Variants in ZCCHC2 observed in about 807,000 individuals in gnomAD.
ZCCHC2 encodes the protein zinc finger CCHC-type containing 2, also known as zinc finger CCHC domain-containing protein 2.
Under a neutral mutation model 103.6 loss-of-function variants are expected in ZCCHC2, and 39 were observed. The observed-to-expected ratio is 0.38, with a 90% CI of 0.29 to 0.49. The LOEUF (loss-of-function observed/expected upper bound fraction) is 0.49, where lower values mean the gene tolerates loss of function less well. Ranked by LOEUF, ZCCHC2 falls within the 20% of genes least tolerant of loss-of-function variation. The pLI, the probability that ZCCHC2 is intolerant of heterozygous loss-of-function variation, is 0.96. For synonymous variants in ZCCHC2, 687 were observed against 608.9 expected, an observed-to-expected ratio of 1.13 and a Z score of -1.89; for missense variants, 1,483 against 1,491.0, an observed-to-expected ratio of 0.99 and a Z score of 0.09.
At chr18:62,585,624 A>G (rs898205986) in exon 15 of ZCCHC2, 2 of 152,242 alleles carry the variant, frequency 1.3e-5, no homozygotes, top group African/African-American at 4.8e-5. Flanking sequence ...GAAGGCACCC[A>G]CCACAGTCCA....
intron 3 of ZCCHC2, among the ~76,000 whole-genome samples, chr18:62,543,458 C>T (rs1171221747): frequency 1.3e-5 from 2 of 152,160 alleles, no homozygotes; most frequent in Admixed American, 1.3e-4. Flanking sequence ...GGAGAAAGAT[C>T]CTCAGTTTGC....
chr18:62,527,026 C>CGCCCCG (rs1367473537), intron 1 of ZCCHC2: 1 of 36,520 alleles, frequency 2.7e-5, no homozygotes, highest in African/African-American at 1.1e-4. Context: ...CCCCCCCCCC[C>CGCCCCG]CCCGAAAGTA....
intron 11 of ZCCHC2, among the ~76,000 whole-genome samples, chr18:62,567,021 C>A (rs912449842): frequency 6.6e-6 from 1 of 152,162 alleles, no homozygotes; most frequent in African/African-American, 2.4e-5. Flanking sequence ...ACAACCTCAG[C>A]GTATTTTTCA....
intron 5 of ZCCHC2, chr18:62,552,040 C>T (rs1376020921): frequency 6.6e-6 from 1 of 152,022 alleles, no homozygotes; most frequent in Non-Finnish European, 1.5e-5. Flanking sequence ...GTGTTTGCTC[C>T]CCAGTGGAGA....
chr18:62,569,950 T>A (rs906310384), intron 11 of ZCCHC2, among the ~76,000 whole-genome samples, 153 bp from the exon 12 acceptor site: 1 of 152,372 alleles, frequency 6.6e-6, no homozygotes, highest in African/African-American at 2.4e-5. Flanking sequence ...ATTAGAATTG[T>A]AATTTAATCA....
Position 62,523,376 on chromosome 18 carries a change from G to GGGGGGCCC in ZCCHC2, c.-49_-48insGGGGGCCC. On this transcript the variant is annotated 5_prime_UTR_variant, in exon 1 of 14. Transcript: ENST00000269499. ...GCCTCGGCCCGTGCTCCACCTCGCG[G>GGGGGGCCC]CCCCTCCCGCCCGCCCCCGCTCGCA... 40 of 1,012,316 alleles carry GGGGGGCCC rather than the reference G, an allele frequency of 4.0e-5. No homozygotes were observed. Among genetic ancestry groups the GGGGGGCCC allele is most frequent in the South Asian group, 7.4e-5 (2 of 27,158 alleles). The allele number at this position is 1,012,316 out of a possible 1,614,324, so 62.7% of individuals were successfully genotyped here. A position where few individuals can be genotyped will look rare whatever the true frequency, so the allele number is the denominator to read the frequency against.
rs762008800 is a variant in ZCCHC2 at position 62,575,584 on chromosome 18, G to A, written c.3469+34G>A. 2.5e-6 allele frequency: 4 copies of A among 1,586,758 alleles called. No individual in the cohort carries two copies. The Admixed American group carries it at 5.1e-5, about 20-fold the overall frequency. On this transcript the variant is annotated intron_variant, in intron 13 of 13. Transcript: ENST00000269499. Reference sequence around the variant, plus strand: ...AATAACTCCCAGAGGACTTGTTTTTGAGTTCACTCATTTCTCCTTCCTTTC... The same window carrying A: ...AATAACTCCCAGAGGACTTGTTTTTAAGTTCACTCATTTCTCCTTCCTTTC...
At chr18:62,571,086 T>C (rs1916582504) in intron 12 of ZCCHC2, among the ~76,000 whole-genome samples, 1 of 152,238 alleles carries the variant, frequency 6.6e-6, no homozygotes, top group Non-Finnish European at 1.5e-5. Context: ...CTGGTCAGCC[T>C]CTTGTCAGCC....
Position 62,524,352 on chromosome 18 carries a change from C to T in ZCCHC2, c.928C>T (p.Pro310Ser). 2 of 1,523,144 alleles carry T rather than the reference C, an allele frequency of 1.3e-6. No homozygotes were observed. Among genetic ancestry groups the T allele is most frequent in the East Asian group, 2.6e-5 (1 of 38,860 alleles). The allele number at this position is 1,523,144 out of a possible 1,614,324, so 94.4% of individuals were successfully genotyped here. Residue 310 changes from proline (P) to serine (S), a missense_variant, in exon 1 of 14, where the codon CCC becomes TCC. Coordinates refer to ENST00000269499, the MANE Select transcript of ZCCHC2 (RefSeq NM_017742.6). ...GGTAGAGCCGTGCAAGTTTGCCGGCCCCAGGGCCCAGGTAAGGCGCACGGA... is the reference window on the plus strand; with the variant it reads ...GGTAGAGCCGTGCAAGTTTGCCGGCTCCAGGGCCCAGGTAAGGCGCACGGA... Reference protein sequence around the residue: ...VEVEPCKFAGPRAQNNSAHGD... With the variant: ...VEVEPCKFAGSRAQNNSAHGD...
In ZCCHC2 at chr18:62,576,699, G is replaced by A. The variant is rs948888160; in HGVS notation, c.*120G>A. The A allele has an allele frequency of 4.1e-6, 4 of 969,196 alleles. No individual in the cohort carries two copies. The highest frequency in any genetic ancestry group is 6.1e-6 in the Non-Finnish European group (4 of 651,756). The allele number at this position is 969,196 out of a possible 1,614,324, so 60.0% of individuals were successfully genotyped here. On this transcript the variant is annotated 3_prime_UTR_variant, in exon 14 of 14. Transcript: ENST00000269499. ...ACATTTCCTAGATTTCTATGCAGTTGGGATTTTTCATTTCTCTTGTACCAA... is the reference window on the plus strand; with the variant it reads ...ACATTTCCTAGATTTCTATGCAGTTAGGATTTTTCATTTCTCTTGTACCAA...
At chr18:62,545,451 C>A (rs551732730) in intron 4 of ZCCHC2, among the ~76,000 whole-genome samples, 1 of 152,144 alleles carries the variant, frequency 6.6e-6, no homozygotes, top group South Asian at 2.1e-4. Context: ...CCTCACCCCC[C>A]ATATGATAGA....
chr18:62,525,049 G>A (rs1204998985), intron 1 of ZCCHC2: 2 of 144,814 alleles, frequency 1.4e-5, no homozygotes, highest in Non-Finnish European at 3.2e-5. Context: ...GGTTGTCCGG[G>A]GAGAGAAACC....
At chr18:62,548,521 A>C (rs1010650528) in intron 4 of ZCCHC2, among the ~76,000 whole-genome samples, 3 of 152,348 alleles carry the variant, frequency 2.0e-5, no homozygotes, top group Admixed American at 1.3e-4. Context: ...ACAGATATTC[A>C]GTATAAATTG....
intron 11 of ZCCHC2, among the ~76,000 whole-genome samples, chr18:62,569,306 C>T (rs1292962458): frequency 6.6e-6 from 1 of 152,120 alleles, no homozygotes; most frequent in Non-Finnish European, 1.5e-5. Context: ...AATTAATACC[C>T]ATTATCTTTT....
intron 4 of ZCCHC2, among the ~76,000 whole-genome samples, chr18:62,546,766 G>A (rs998027769): frequency 1.3e-5 from 2 of 152,108 alleles, no homozygotes; most frequent in African/African-American, 4.8e-5. Context: ...TTCTTCAGTC[G>A]CCCATTTTTT....
chr18:62,542,429 T>C (rs1423604487), intron 2 of ZCCHC2, 69 bp from the exon 3 acceptor site: 1 of 1,246,326 alleles, frequency 8.0e-7, no homozygotes, highest in Non-Finnish European at 1.1e-6. Context: ...CTTTTAGGGT[T>C]ACTTTAGGTA....
intron 4 of ZCCHC2, among the ~76,000 whole-genome samples, chr18:62,545,397 A>G (rs960041476): frequency 2.0e-5 from 3 of 152,014 alleles, no homozygotes; most frequent in Non-Finnish European, 2.9e-5. Flanking sequence ...CTTCCCTGAA[A>G]TAGTTCTCCA....
intron 1 of ZCCHC2, among the ~76,000 whole-genome samples, chr18:62,538,244 G>A: frequency 8.3e-6 from 1 of 120,052 alleles, no homozygotes; most frequent in South Asian, 2.7e-4. Flanking sequence ...CTGGGCAACA[G>A]AGAGAGACCC....
chr18:62,556,313 C>T lies in ZCCHC2; in HGVS notation c.1408+16C>T. 1.3e-6 allele frequency: 2 copies of T among 1,543,320 alleles called. No individual in the cohort carries two copies. Among genetic ancestry groups the T allele is most frequent in the East Asian group, 4.6e-5 (2 of 43,762 alleles). The stretch of plus-strand genomic sequence containing the variant: ...CACAGTATCAGTAAGCATCCTCTGT[C>T]CCTCTGTGGAAATCTTTTTTCTTTG... On this transcript the variant is annotated intron_variant, in intron 6 of 13. Coordinates refer to ENST00000269499, the MANE Select transcript of ZCCHC2 (RefSeq NM_017742.6).
Sources: gnomAD v4.1 joint callset for allele counts (sites outside exome capture counted in the v4.1 genomes callset) on GRCh38, gnomAD v4.1.1 for gene constraint, MANE v1.5 for transcripts, NCBI Gene and HGNC (gene_info 2026-07-23, HGNC 2026-07-21) for gene names.